ATG2B: variants seen among roughly 807,000 people sequenced by gnomAD.
The protein encoded by ATG2B is autophagy related 2B.
A neutral mutation model predicts 241.3 loss-of-function variants in ATG2B; 121 were observed. That is an observed-to-expected ratio of 0.50 (90% CI 0.43 to 0.58). ATG2B has a LOEUF of 0.58. ATG2B is among the 20% of genes least tolerant of loss of function. ATG2B has a pLI of 0.00. For missense variants in ATG2B, 2,306 were observed against 2,491.6 expected (o/e 0.93, Z 1.59); for synonymous variants, 858 against 876.6 (o/e 0.98, Z 0.37).
intron 4 of ATG2B, among the ~76,000 whole-genome samples, chr14:96,344,419 A>G (rs1397102841): frequency 6.6e-6 from 1 of 152,248 alleles, no homozygotes; most frequent in Non-Finnish European, 1.5e-5. Flanking sequence ...CTAAAACAGA[A>G]TAACTTGCTT....
At chr14:96,319,211 C>T (rs1339852901) in intron 18 of ATG2B, among the ~76,000 whole-genome samples, 1 of 152,218 alleles carries the variant, frequency 6.6e-6, no homozygotes, top group Admixed American at 6.5e-5. Context: ...ATAATCCACT[C>T]ACCTATTATG....
chr14:96,344,877 T>C (rs532089635), intron 3 of ATG2B, 121 bp from the exon 4 acceptor site: 67 of 515,072 alleles, frequency 1.3e-4, no homozygotes, highest in African/African-American at 1.2e-3. Context: ...AGAAGCTGAA[T>C]TTCTTTCCAT....
In ATG2B at chr14:96,290,422, G is replaced by A; in HGVS notation, c.5856+14C>T. The A allele has an allele frequency of 6.2e-7, 1 of 1,613,718 alleles. No individual in the cohort carries two copies. The highest frequency in any genetic ancestry group is 8.5e-7 in the Non-Finnish European group (1 of 1,179,724). On this transcript the variant is annotated intron_variant, in intron 40 of 41. Coordinates refer to ENST00000359933, the MANE Select transcript of ATG2B (RefSeq NM_018036.7). This position sits in a 1 kb window ranked among gnomAD's most constrained non-coding sequence, Gnocchi z 4.4. ...GGCTCTTTTTGGATAGACTAAGGCA[G>A]TCTAAAAAGATACCTGTATGGTTTG...
chr14:96,293,942 T>C (rs1187224439), intron 36 of ATG2B, among the ~76,000 whole-genome samples: 2 of 152,094 alleles, frequency 1.3e-5, no homozygotes, highest in East Asian at 3.8e-4. Context: ...AAAATAAGAA[T>C]GCATATTATC....
intron 30 of ATG2B, 126 bp downstream of exon 30, chr14:96,306,588 T>TAAA (rs140690422): frequency 4.6e-6 from 3 of 657,656 alleles, no homozygotes; most frequent in Admixed American, 3.4e-5. Flanking sequence ...AATAGTATAT[T>TAAA]AAAAAAAAAA....
intron 23 of ATG2B, among the ~76,000 whole-genome samples, chr14:96,314,026 C>G (rs1043990424): frequency 6.6e-6 from 1 of 152,082 alleles, no homozygotes; most frequent in Non-Finnish European, 1.5e-5. Flanking sequence ...GTCTAAAAAC[C>G]AGTCCCTCTC....
intron 31 of ATG2B, 39 bp downstream of exon 31, chr14:96,305,550 A>G (rs1466161789): frequency 7.3e-7 from 1 of 1,366,466 alleles, no homozygotes; most frequent in Non-Finnish European, 1.0e-6. Context: ...AAAAGAATAT[A>G]TTGGCCTCCC....
intron 14 of ATG2B, 32 bp from the exon 15 acceptor site, chr14:96,325,954 A>C: frequency 6.3e-7 from 1 of 1,595,510 alleles, no homozygotes; most frequent in South Asian, 1.1e-5. Context: ...ATATGCCAAA[A>C]TATTAAAGTA....
Position 96,341,641 on chromosome 14 carries a change from G to A in ATG2B, c.805C>T (p.Gln269Ter). The A allele has an allele frequency of 6.2e-7, 1 of 1,601,588 alleles. No homozygotes were observed. Among genetic ancestry groups the A allele is most frequent in the East Asian group, 2.2e-5 (1 of 44,456 alleles). Residue 269 changes from glutamine to a stop codon, truncating the protein, a stop_gained, in exon 6 of 42, where the codon CAG becomes TAG. Transcript: ENST00000359933. LOFTEE classifies it high-confidence loss of function. The stretch of plus-strand genomic sequence containing the variant: ...ATCTCTGGTAAATTTCTAGTTAGCT[G>A]TGGGTGTGGCTCATAAATAATTTTG... ...NPKIIYEPHP[Q>*]LTRNLPEIAP...
intron 41 of ATG2B, among the ~76,000 whole-genome samples, chr14:96,287,762 T>C (rs1886378468): frequency 6.6e-6 from 1 of 152,208 alleles, no homozygotes; most frequent in Non-Finnish European, 1.5e-5. Flanking sequence ...CAGAAGGTAT[T>C]TGTGGGCCAT....
intron 1 of ATG2B, among the ~76,000 whole-genome samples, chr14:96,348,148 C>G (rs1413171229): frequency 6.6e-6 from 1 of 152,154 alleles, no homozygotes; most frequent in African/African-American, 2.4e-5. Flanking sequence ...GAGTACTATT[C>G]AGCCATGAAA....
At chr14:96,308,167 T>C (rs1310180244) in intron 29 of ATG2B, among the ~76,000 whole-genome samples, 3 of 138,292 alleles carry the variant, frequency 2.2e-5, no homozygotes, top group Admixed American at 7.6e-5. Context: ...CACACATATA[T>C]AAATATATAT....
intron 17 of ATG2B, 128 bp downstream of exon 17, chr14:96,322,412 C>A: frequency 7.7e-7 from 1 of 1,293,504 alleles, no homozygotes; most frequent in Non-Finnish European, 1.0e-6. Context: ...AGGTATTATT[C>A]AATTTTGAAG....
At chr14:96,351,215 G>A (rs1399810522) in intron 1 of ATG2B, among the ~76,000 whole-genome samples, 2 of 152,178 alleles carry the variant, frequency 1.3e-5, no homozygotes, top group Non-Finnish European at 2.9e-5. Context: ...CTGAATTCCA[G>A]CTATAAGTAT....
At chr14:96,306,654 C>A in intron 30 of ATG2B, 60 bp downstream of exon 30, 1 of 1,423,572 alleles carries the variant, frequency 7.0e-7, no homozygotes, top group South Asian at 1.3e-5. Context: ...CTCCAGGTAC[C>A]CTTTGGTCAA....
chr14:96,317,139 C>G lies in ATG2B; in HGVS notation c.3210+6G>C, dbSNP rs778471749. On this transcript the variant is annotated splice_donor_region_variant and intron_variant, in intron 20 of 41. Coordinates refer to ENST00000359933, the MANE Select transcript of ATG2B (RefSeq NM_018036.7). ...TGAAAAAACACTTCGGATTTGTAAA[C>G]CTCACCTTCACATCTGTGAACACTG... The G allele has an allele frequency of 6.3e-7, 1 of 1,596,982 alleles. No individual in the cohort carries two copies. The highest frequency in any genetic ancestry group is 2.2e-5 in the East Asian group (1 of 44,570).
chr14:96,299,099 G>C (rs1886721765), intron 34 of ATG2B, among the ~76,000 whole-genome samples: 2 of 152,114 alleles, frequency 1.3e-5, no homozygotes, highest in African/African-American at 4.8e-5. Context: ...GTGCAAACTG[G>C]TGCTGCTCCA....
chr14:96,316,830 TG>T (rs2139864913), intron 20 of ATG2B, 147 bp from the exon 21 acceptor site: 1 of 668,378 alleles, frequency 1.5e-6, no homozygotes, highest in East Asian at 2.8e-5. Flanking sequence ...TTCAATATCA[TG>T]GTATAAAATA....
intron 34 of ATG2B, among the ~76,000 whole-genome samples, chr14:96,298,791 C>T (rs146353440): frequency 2.7e-4 from 41 of 152,258 alleles, no homozygotes; most frequent in South Asian, 1.2e-3. Context: ...GACGTCTTCA[C>T]GGTAAGGAAA....
Sources: allele counts gnomAD v4.1 joint callset (sites outside exome capture counted in the v4.1 genomes callset), GRCh38; gene constraint gnomAD v4.1.1; non-coding constraint Gnocchi (gnomAD v3.1); transcripts MANE v1.5; gene names NCBI Gene and HGNC (gene_info 2026-07-23, HGNC 2026-07-21).